The following TMEM117 variants were observed in gnomAD, a reference collection of about 807,000 sequenced individuals.
TMEM117 encodes transmembrane protein 117.
In TMEM117, 27 loss-of-function variants were observed where a neutral mutation model predicts 52.4. The ratio of observed to expected loss-of-function variants is 0.51; its 90% CI spans 0.38 to 0.71. The LOEUF (loss-of-function observed/expected upper bound fraction) is 0.71. Ranked by LOEUF, TMEM117 falls within the 30% of genes least tolerant of loss-of-function variation. The pLI is 0.00. For synonymous variants in TMEM117, 215 were observed against 206.3 expected, an observed-to-expected ratio of 1.04 and a Z score of -0.36; for missense variants, 556 against 630.5, an observed-to-expected ratio of 0.88 and a Z score of 1.26.
At chr12:44,392,418 T>C (rs1322829637), downstream of TMEM117, among the ~76,000 whole-genome samples, 1 of 152,170 alleles carries the variant, frequency 6.6e-6, no homozygotes, top group Non-Finnish European at 1.5e-5. Flanking sequence ...GCTAGTACTC[T>C]TATGTGTTGT....
chr12:44,007,123 C>T (rs1361855476), intron 3 of TMEM117, among the ~76,000 whole-genome samples: 4 of 152,124 alleles, frequency 2.6e-5, no homozygotes, highest in Non-Finnish European at 5.9e-5. Flanking sequence ...CCCTCTCACC[C>T]CTTGTATAAT....
At chr12:43,804,725 C>G in the TMEM117 span, among the ~76,000 whole-genome samples, 4 of 152,048 alleles carry the variant, frequency 2.6e-5, no homozygotes, top group African/African-American at 9.7e-5. Flanking sequence ...CATAAAATAA[C>G]GAAGACTGTA....
chr12:43,860,031 C>G (rs11182309), intron 2 of TMEM117, among the ~76,000 whole-genome samples: 42 of 152,094 alleles, frequency 2.8e-4, no homozygotes, highest in African/African-American at 9.2e-4. Context: ...GTTTCTTCTT[C>G]TTATTATTAT....
At position 44,135,953 on chromosome 12, in the gene TMEM117, A is replaced by C. The variant is rs551956836; in HGVS notation, c.411-7572A>C. ...AAAATCTTTGCAAAACTTGTAAGTTATTTTATGCCCTTCTAATTAGTTTAG... is the reference window on the plus strand; with the variant it reads ...AAAATCTTTGCAAAACTTGTAAGTTCTTTTATGCCCTTCTAATTAGTTTAG... On this transcript the variant is annotated intron_variant, in intron 3 of 7. Transcript: ENST00000266534. 6.6e-5 allele frequency among the ~76,000 whole-genome samples: 10 copies of C among 152,306 alleles called. No homozygotes were observed. The South Asian group carries it at 2.1e-3, about 32-fold the overall frequency.
chr12:43,980,590 G>A (rs925126128), intron 3 of TMEM117, among the ~76,000 whole-genome samples: 3 of 151,966 alleles, frequency 2.0e-5, no homozygotes, highest in Admixed American at 1.3e-4. Context: ...TGGAAATCCC[G>A]AGTGGGCACC....
chr12:44,270,891 T>C (rs1008553671), intron 5 of TMEM117, among the ~76,000 whole-genome samples: 5 of 152,262 alleles, frequency 3.3e-5, no homozygotes, highest in African/African-American at 4.8e-5. Context: ...TTTTTATTTA[T>C]AATTATGTTT....
At chr12:44,335,591 C>T (rs1951330486) in intron 6 of TMEM117, among the ~76,000 whole-genome samples, 1 of 152,010 alleles carries the variant, frequency 6.6e-6, no homozygotes, top group Non-Finnish European at 1.5e-5. Flanking sequence ...AACTTTCTAT[C>T]ATTAAAGTTA....
chr12:43,914,122 G>C (rs551585043), intron 2 of TMEM117, among the ~76,000 whole-genome samples: 42 of 152,096 alleles, frequency 2.8e-4, no homozygotes, highest in Admixed American at 6.6e-4. Flanking sequence ...AATGGAAACC[G>C]TGATGCTATA....
chr12:43,929,366 C>T (rs1944835553), intron 2 of TMEM117, among the ~76,000 whole-genome samples: 1 of 150,962 alleles, frequency 6.6e-6, no homozygotes, highest in Admixed American at 6.6e-5. Context: ...TAGTGATTAC[C>T]CTAAAGAGTA....
chr12:44,301,758 G>C (rs547581594), intron 6 of TMEM117, among the ~76,000 whole-genome samples: 1 of 151,040 alleles, frequency 6.6e-6, no homozygotes, highest in Non-Finnish European at 1.5e-5. Context: ...CAGGTTTCTC[G>C]TTCAAATGGA....
At chr12:44,285,831 A>G (rs999221018) in intron 5 of TMEM117, among the ~76,000 whole-genome samples, 2 of 152,196 alleles carry the variant, frequency 1.3e-5, no homozygotes, top group Non-Finnish European at 2.9e-5. Flanking sequence ...CAGGCAACTG[A>G]ATGTTTGAAC....
At position 44,209,991 on chromosome 12, in the gene TMEM117, A is replaced by G. The variant is rs776989681; in HGVS notation, c.511-1299A>G. ...ACTGAATCACAATCTTTCATCATAA[A>G]TGATTAAATTTCACCCATTTCAAGG... is the stretch of plus-strand genomic sequence containing the variant. On this transcript the variant is annotated intron_variant, in intron 4 of 7. Transcript: ENST00000266534. 3.1e-4 allele frequency among the ~76,000 whole-genome samples: 47 copies of G among 152,130 alleles called. 1 individual carries two copies. The highest frequency in any genetic ancestry group is 1.0e-4 in the Non-Finnish European group (7 of 68,008).
chr12:44,040,127 G>A (rs993916208), intron 3 of TMEM117, among the ~76,000 whole-genome samples: 1 of 152,034 alleles, frequency 6.6e-6, no homozygotes, highest in Admixed American at 6.5e-5. Flanking sequence ...ATGACATCAC[G>A]GAATGGGGGA....
At chr12:43,923,844 A>G (rs144610358) in intron 2 of TMEM117, among the ~76,000 whole-genome samples, 2,190 of 152,238 alleles carry the variant, frequency 0.014, 41 homozygotes, top group African/African-American at 0.049. Flanking sequence ...TCATGTCCTT[A>G]TATGTAGAAA....
At position 43,844,762 on chromosome 12, in the gene TMEM117, T is replaced by C. The variant is rs1172363921; in HGVS notation, c.111T>C (p.His37=). The stretch of plus-strand genomic sequence containing the variant: ...TATTTGCGGAGGACCCAGTTTCTCA[T>C]AGCCAAACAGAAGCCAATGTTATTG... ...FLIFAEDPVS[H]SQTEANVIVV... Residue 37 remains histidine, a synonymous_variant, in exon 2 of 8, where the codon CAT becomes CAC. Transcript: ENST00000266534. The C allele has an allele frequency of 3.1e-6, 5 of 1,614,094 alleles. No homozygotes were observed. The highest frequency in any genetic ancestry group is 2.2e-5 in the East Asian group (1 of 44,880).
chr12:44,343,573 A>G (rs1592706632), intron 6 of TMEM117, among the ~76,000 whole-genome samples: 2 of 152,202 alleles, frequency 1.3e-5, no homozygotes, highest in East Asian at 3.9e-4. Flanking sequence ...GACAGGGGAC[A>G]TGGGGACTTG....
chr12:44,392,924 T>C (rs1200128626), downstream of TMEM117, among the ~76,000 whole-genome samples: 4 of 152,056 alleles, frequency 2.6e-5, no homozygotes, highest in African/African-American at 9.7e-5. Flanking sequence ...GACTGGAACA[T>C]CCTTGATGGA....
chr12:44,330,772 A>G (rs1287147871), intron 6 of TMEM117, among the ~76,000 whole-genome samples: 4 of 152,048 alleles, frequency 2.6e-5, no homozygotes, highest in African/African-American at 9.7e-5. Flanking sequence ...GTCCATAGGC[A>G]GCTTGTGCAT....
the TMEM117 span, among the ~76,000 whole-genome samples, chr12:44,397,705 A>T: frequency 2.0e-5 from 3 of 152,334 alleles, no homozygotes; most frequent in East Asian, 5.8e-4. Flanking sequence ...ATTATTCATG[A>T]AAGAGTTATA....
Sources: gnomAD v4.1 joint callset for allele counts (sites outside exome capture counted in the v4.1 genomes callset) on GRCh38, gnomAD v4.1.1 for gene constraint, MANE v1.5 for transcripts, NCBI Gene and HGNC (gene_info 2026-07-23, HGNC 2026-07-21) for gene names.